The following KANK1 variants were observed in gnomAD, a reference collection of about 807,000 sequenced individuals.
KANK1 encodes KN motif and ankyrin repeat domain-containing protein 1.
KANK1 carries 109 observed loss-of-function variants against 106.2 expected under a neutral mutation model. The observed-to-expected ratio is 1.03, with a 90% CI of 0.88 to 1.20. The LOEUF is 1.20. Ranked by LOEUF, KANK1 falls within the 50% of genes most tolerant of loss-of-function variation. KANK1 has a pLI of 0.00. For missense variants in KANK1, 2,399 were observed against 1,710.7 expected (o/e 1.40, Z -7.10); for synonymous variants, 873 against 652.2 (o/e 1.34, Z -5.16).
chr9:719,219 G>A (rs371563996), intron 3 of KANK1, among the ~76,000 whole-genome samples: 38 of 151,960 alleles, frequency 2.5e-4, no homozygotes, highest in African/African-American at 5.8e-4. Context: ...CACCCACCTC[G>A]GCCTCCCAAA....
Position 742,317 on chromosome 9 carries a change from C to T in KANK1, c.3809C>T (p.Ala1270Val). The change falls in exon 10 of 12, where the codon GCC becomes GTC. Residue 1270 changes from alanine (A) to valine (V), a missense_variant. Coordinates refer to ENST00000382297, the MANE Select transcript of KANK1 (RefSeq NM_015158.5). ...VNIQDDEGST[A>V]LMCASEHGHV... ...ATCCAGGATGACGAGGGCTCCACGG[C>T]CCTCATGTGTGCCAGCGAGCACGGA... 1.2e-6 allele frequency: 2 copies of T among 1,614,086 alleles called. No individual in the cohort carries two copies. The highest frequency in any genetic ancestry group is 1.7e-6 in the Non-Finnish European group (2 of 1,179,980).
In KANK1 at chr9:679,477, C is replaced by T. The variant is rs186404832; in HGVS notation, c.37+2468C>T. ...TCACCCAGGCTGGAGTGCAGTGGCA[C>T]GATATCGGCTCACTGCAACCTCTGC... On this transcript the variant is annotated intron_variant, in intron 2 of 11. Coordinates refer to ENST00000382297, the MANE Select transcript of KANK1 (RefSeq NM_015158.5). Among the ~76,000 whole-genome samples, 339 of 152,210 alleles carry T rather than the reference C, an allele frequency of 2.2e-3. 3 individuals carry two copies. The highest frequency in any genetic ancestry group is 8.0e-3 in the African/African-American group (331 of 41,544).
At chr9:696,373 C>G (rs543577778) in intron 2 of KANK1, among the ~76,000 whole-genome samples, 2 of 151,894 alleles carry the variant, frequency 1.3e-5, no homozygotes, top group African/African-American at 4.8e-5. Flanking sequence ...CTAACTGTAA[C>G]ACAGTTCCGC....
chr9:740,913 T>G lies in KANK1; in HGVS notation c.3675T>G (p.Asp1225Glu). The G allele has an allele frequency of 2.5e-6, 4 of 1,614,182 alleles. No individual in the cohort carries two copies. The highest frequency in any genetic ancestry group is 3.4e-6 in the Non-Finnish European group (4 of 1,180,026). ...TGGAAGAACTCTTCGGCTGTGGGGA[T>G]GTGAATGCCAAAGCTAGTCAGGTTA... is the stretch of plus-strand genomic sequence containing the variant. ...RIVEELFGCG[D>E]VNAKASQAGQ... The change falls in exon 9 of 12, where the codon GAT becomes GAG. Residue 1225 changes from aspartate to glutamate, a missense_variant. Coordinates refer to ENST00000382297, the MANE Select transcript of KANK1 (RefSeq NM_015158.5).
chr9:511,972 C>A (rs936985515), intron 1 of KANK1, among the ~76,000 whole-genome samples: 8 of 152,054 alleles, frequency 5.3e-5, no homozygotes, highest in African/African-American at 1.9e-4. Flanking sequence ...TCCCTGGTAC[C>A]CAGCTGGTGG....
intron 1 of KANK1, among the ~76,000 whole-genome samples, chr9:661,783 C>T (rs1430961265): frequency 1.4e-4 from 21 of 152,040 alleles, no homozygotes; most frequent in African/African-American, 4.6e-4. Context: ...CTCTTTAGCA[C>T]CTGTTGTTCC....
chr9:692,307 G>A (rs930854763), intron 2 of KANK1, among the ~76,000 whole-genome samples: 2 of 150,882 alleles, frequency 1.3e-5, no homozygotes, highest in African/African-American at 4.9e-5. Context: ...AAGACACAAA[G>A]ATTAAACTCT....
chr9:472,480 T>C (rs566926249), intron 2 of KANK1, among the ~76,000 whole-genome samples: 4 of 152,262 alleles, frequency 2.6e-5, no homozygotes, highest in African/African-American at 4.8e-5. Flanking sequence ...ATGCTGAAAG[T>C]AGGAAATGGA....
intron 2 of KANK1, among the ~76,000 whole-genome samples, chr9:709,970 G>A (rs1011433870): frequency 4.6e-5 from 7 of 152,128 alleles, no homozygotes; most frequent in African/African-American, 1.4e-4. Context: ...GACTTACTAT[G>A]TGCTTGTCTC....
At chr9:676,803 C>T (rs1047366365) in intron 1 of KANK1, 87 bp from the exon 2 acceptor site, 27 of 589,622 alleles carry the variant, frequency 4.6e-5, no homozygotes, top group Non-Finnish European at 8.3e-5. Context: ...TCTCTGTTAG[C>T]AGTCATCTTT....
chr9:705,135 A>G (rs1564019054), intron 2 of KANK1, among the ~76,000 whole-genome samples: 1 of 152,138 alleles, frequency 6.6e-6, no homozygotes, highest in Admixed American at 6.5e-5. Context: ...CTTAACACTA[A>G]TATTTAACGA....
chr9:625,711 A>G (rs375409620), intron 1 of KANK1, among the ~76,000 whole-genome samples: 3 of 152,330 alleles, frequency 2.0e-5, no homozygotes, highest in East Asian at 3.9e-4. Flanking sequence ...TCAAACAAGT[A>G]TTCAGAATAA....
In KANK1 at chr9:734,816, C is replaced by G; in HGVS notation, c.3314C>G (p.Ala1105Gly). Residue 1105 changes from alanine (A) to glycine (G), a missense_variant, in exon 7 of 12, where the codon GCT becomes GGT. Coordinates refer to ENST00000382297, the MANE Select transcript of KANK1 (RefSeq NM_015158.5). The part of the protein sequence containing the change: ...LLKNTINDPK[A>G]LTSKDMRFCL... ...AAAAATACTATAAATGACCCCAAAGCTTTGACCAGCAAAGATATGGTGAGT... is the reference window on the plus strand; with the variant it reads ...AAAAATACTATAAATGACCCCAAAGGTTTGACCAGCAAAGATATGGTGAGT... 2 of 1,613,142 alleles carry G rather than the reference C, an allele frequency of 1.2e-6. No individual in the cohort carries two copies. The highest frequency in any genetic ancestry group is 1.3e-5 in the African/African-American group (1 of 75,032).
At position 629,014 on chromosome 9, in the gene KANK1, G is replaced by C. The variant is rs573256631; in HGVS notation, c.-83-47876G>C. Among the ~76,000 whole-genome samples, 3 of 150,296 alleles carry C rather than the reference G, an allele frequency of 2.0e-5. No individual in the cohort carries two copies. In the South Asian group the frequency reaches 6.3e-4, roughly 32 times the overall value. ...AGAATCACTTGAACCCAGGAGGTGA[G>C]GTTGCAGTGAGCCAAGATCATGCCA... On this transcript the variant is annotated intron_variant, in intron 1 of 11. Transcript: ENST00000382297.
At chr9:584,236 G>C (rs1822881874) in intron 1 of KANK1, among the ~76,000 whole-genome samples, 1 of 152,046 alleles carries the variant, frequency 6.6e-6, no homozygotes, top group African/African-American at 2.4e-5. Flanking sequence ...AGAATAAGTG[G>C]GAAAAACAAG....
chr9:707,113 G>A (rs1824471926), intron 2 of KANK1: 6 of 985,472 alleles, frequency 6.1e-6, no homozygotes, highest in Non-Finnish European at 7.2e-6. Context: ...GAGCGTGGCC[G>A]GCCAAGTTTA....
intron 1 of KANK1, among the ~76,000 whole-genome samples, chr9:612,668 A>G (rs1383905852): frequency 6.6e-6 from 1 of 152,228 alleles, no homozygotes; most frequent in Non-Finnish European, 1.5e-5. Context: ...TGAGAAATTA[A>G]AAAAGCAGTC....
At chr9:696,935 T>C (rs1005746575) in intron 2 of KANK1, among the ~76,000 whole-genome samples, 50 of 152,170 alleles carry the variant, frequency 3.3e-4, no homozygotes, top group Non-Finnish European at 1.5e-4. Flanking sequence ...CCTAAGGACA[T>C]TGATGCACAG....
chr9:666,258 C>T (rs1223298336), intron 1 of KANK1, among the ~76,000 whole-genome samples: 3 of 151,264 alleles, frequency 2.0e-5, no homozygotes, highest in Non-Finnish European at 4.4e-5. Context: ...CTTTCTTTTT[C>T]AGATTGTTCA....
Sources: gnomAD v4.1 joint callset for allele counts (sites outside exome capture counted in the v4.1 genomes callset) on GRCh38, gnomAD v4.1.1 for gene constraint, MANE v1.5 for transcripts, NCBI Gene and HGNC (gene_info 2026-07-23, HGNC 2026-07-21) for gene names.